The following LAMA3 variants were observed in gnomAD, a reference collection of about 807,000 sequenced individuals.
LAMA3 encodes laminin subunit alpha-3.
A neutral mutation model predicts 402.0 loss-of-function variants in LAMA3; 281 were observed. The observed-to-expected ratio is 0.70, with a 90% CI of 0.63 to 0.77. LAMA3 has a LOEUF of 0.77. LAMA3 is among the 30% of genes least tolerant of loss of function. The pLI, the probability that LAMA3 is intolerant of heterozygous loss-of-function variation, is 0.00. For synonymous variants in LAMA3, 1,431 were observed against 1,558.4 expected (o/e 0.92, Z 1.93); for missense variants, 3,840 against 4,215.5 (o/e 0.91, Z 2.47).
chr18:23,802,474 T>G (rs1301552841), intron 12 of LAMA3, among the ~76,000 whole-genome samples: 2 of 152,224 alleles, frequency 1.3e-5, no homozygotes, highest in African/African-American at 4.8e-5. Context: ...ACACCTTAAG[T>G]CATCTCCTGT....
intron 2 of LAMA3, among the ~76,000 whole-genome samples, chr18:23,726,587 T>A (rs2061304295): frequency 6.6e-6 from 1 of 152,186 alleles, no homozygotes. Context: ...GTGGCTATAG[T>A]GTTCACACAA....
intron 1 of LAMA3, among the ~76,000 whole-genome samples, chr18:23,698,395 CG>C (rs1428199893): frequency 6.6e-6 from 1 of 152,002 alleles, no homozygotes; most frequent in African/African-American, 2.4e-5. Context: ...TTAGTAGAGA[CG>C]GGGTTTCACC....
intron 32 of LAMA3, among the ~76,000 whole-genome samples, chr18:23,855,952 C>T (rs1404675086): frequency 1.3e-5 from 2 of 152,154 alleles, no homozygotes; most frequent in East Asian, 3.9e-4. Flanking sequence ...AAGGCACCGT[C>T]TCCTCCCCTT....
intron 19 of LAMA3, among the ~76,000 whole-genome samples, chr18:23,820,648 T>TA (rs1685890519): frequency 6.6e-6 from 1 of 152,204 alleles, no homozygotes; most frequent in Non-Finnish European, 1.5e-5. Flanking sequence ...TACTTATAAC[T>TA]AAAAAATTCT....
At chr18:23,906,833 A>G (rs2081264507) in intron 52 of LAMA3, among the ~76,000 whole-genome samples, 1 of 152,340 alleles carries the variant, frequency 6.6e-6, no homozygotes, top group African/African-American at 2.4e-5. Context: ...TTAGGATGCT[A>G]ACTATGTTGC....
rs779758375 is a variant in LAMA3 at position 23,932,175 on chromosome 18, C to A, written c.8592C>A (p.Ile2864=). Reference sequence around the variant, plus strand: ...TCCCTTTCAGACTACGGCTTCTCATCGATGACCAGCTTCTGAGAAATAGCA... The same window carrying A: ...TCCCTTTCAGACTACGGCTTCTCATAGATGACCAGCTTCTGAGAAATAGCA... The part of the protein sequence containing the change: ...ISDNSGLRLL[I]DDQLLRNSKR... The change falls in exon 66 of 75, where the codon ATC becomes ATA. Residue 2864 remains isoleucine (I), a synonymous_variant. Transcript: ENST00000313654. 1 of 1,613,994 alleles carries A rather than the reference C, an allele frequency of 6.2e-7. No individual in the cohort carries two copies. Among genetic ancestry groups the A allele is most frequent in the South Asian group, 1.1e-5 (1 of 91,074 alleles).
chr18:23,705,453 A>G, intron 1 of LAMA3, among the ~76,000 whole-genome samples: 1 of 138,188 alleles, frequency 7.2e-6, no homozygotes, highest in African/African-American at 3.3e-5. Flanking sequence ...CATGACATAC[A>G]CACACACACA....
In LAMA3 at chr18:23,858,765, G is replaced by C. The variant is rs1192180417; in HGVS notation, c.4358G>C (p.Cys1453Ser). 1.9e-6 allele frequency: 3 copies of C among 1,614,106 alleles called. No individual in the cohort carries two copies. In the Admixed American group the frequency reaches 5.0e-5, roughly 27 times the overall value. Residue 1453 changes from cysteine to serine, a missense_variant, in exon 34 of 75, where the codon TGT becomes TCT. By Grantham distance (112) the Cys-to-Ser change is moderately radical. This residue lies in a region of LAMA3 where 2,109 missense variants were observed against 2,376.0 expected (regional missense o/e 0.89). Coordinates refer to ENST00000313654, the MANE Select transcript of LAMA3 (RefSeq NM_198129.4). ...FHLDPANLKG[C>S]TSCFCFGVNN... ...TTGGACCCAGCCAATCTCAAGGGTTGTACCAGCTGTTTCTGTTTTGGAGTA... is the reference window on the plus strand; with the variant it reads ...TTGGACCCAGCCAATCTCAAGGGTTCTACCAGCTGTTTCTGTTTTGGAGTA...
At chr18:23,940,944 T>TTTTC (rs2082484408) in intron 68 of LAMA3, among the ~76,000 whole-genome samples, 1 of 148,970 alleles carries the variant, frequency 6.7e-6, no homozygotes, top group African/African-American at 2.4e-5. Flanking sequence ...CTTTTCTTTT[T>TTTTC]TTTTTTTTTT....
intron 12 of LAMA3, among the ~76,000 whole-genome samples, chr18:23,793,549 C>G (rs1214427825): frequency 6.6e-6 from 1 of 151,786 alleles, no homozygotes; most frequent in East Asian, 1.9e-4. Flanking sequence ...AGGCCCTAGA[C>G]AGCATCCTTG....
intron 12 of LAMA3, among the ~76,000 whole-genome samples, chr18:23,796,939 G>A (rs183731674): frequency 1.4e-4 from 22 of 152,230 alleles, no homozygotes; most frequent in African/African-American, 5.1e-4. Flanking sequence ...AGACTATCAA[G>A]CCTCTCAGAG....
intron 18 of LAMA3, among the ~76,000 whole-genome samples, chr18:23,816,756 C>T (rs957072859): frequency 2.6e-5 from 4 of 152,242 alleles, no homozygotes; most frequent in East Asian, 1.9e-4. Context: ...GTGGGCAAGA[C>T]GAGAGCTGGA....
At position 23,914,722 on chromosome 18, in the gene LAMA3, T is replaced by C; in HGVS notation, c.7506T>C (p.Asn2502=). The C allele has an allele frequency of 6.2e-7, 1 of 1,613,800 alleles. No homozygotes were observed. The highest frequency in any genetic ancestry group is 8.5e-7 in the Non-Finnish European group (1 of 1,179,770). ...GAATTTATCAGTTTGCAAGGCTTAA[T>C]TACACCAAAGGAGCCACATCCAGTA... is the stretch of plus-strand genomic sequence containing the variant. ...FQRIYQFARL[N]YTKGATSSKP... Residue 2502 remains asparagine, a synonymous_variant, in exon 58 of 75, where the codon AAT becomes AAC. Transcript: ENST00000313654.
chr18:23,697,203 A>G (rs2060700410), intron 1 of LAMA3, among the ~76,000 whole-genome samples: 1 of 152,208 alleles, frequency 6.6e-6, no homozygotes, highest in African/African-American at 2.4e-5. Context: ...TGATTTCTGA[A>G]GAGGAGGGTG....
intron 65 of LAMA3, 112 bp downstream of exon 65, chr18:23,931,313 TTCACTAATA>T (rs2082155911): frequency 1.1e-6 from 1 of 873,280 alleles, no homozygotes; most frequent in Non-Finnish European, 1.9e-6. Flanking sequence ...CCAAAAATAC[TTCACTAATA>T]AGTCTTGTCC....
At chr18:23,770,283 A>G (rs2062166894) in intron 8 of LAMA3, among the ~76,000 whole-genome samples, 1 of 152,218 alleles carries the variant, frequency 6.6e-6, no homozygotes. Flanking sequence ...TATTAAGAAA[A>G]TGAATAGGCA....
Position 23,810,432 on chromosome 18 carries a change from G to C in LAMA3, c.1670G>C (p.Cys557Ser). 1.2e-6 allele frequency: 2 copies of C among 1,614,144 alleles called. No homozygotes were observed. The highest frequency in any genetic ancestry group is 1.7e-6 in the Non-Finnish European group (2 of 1,180,020). The change falls in exon 13 of 75, where the codon TGT becomes TCT. Residue 557 changes from cysteine to serine, a missense_variant. By Grantham distance (112) the Cys-to-Ser change is moderately radical. This residue lies in a region of LAMA3 where 2,109 missense variants were observed against 2,376.0 expected (regional missense o/e 0.89). Transcript: ENST00000313654. The stretch of plus-strand genomic sequence containing the variant: ...AGCTCAGTGACTGGACAGTGTGAAT[G>C]TCGGCCAGGAGTTACAGGACAGCGG... Reference protein sequence around the residue: ...PCSSVTGQCECRPGVTGQRCD... With the variant: ...PCSSVTGQCESRPGVTGQRCD...
chr18:23,703,617 T>G (rs1222771249), intron 1 of LAMA3, among the ~76,000 whole-genome samples: 1 of 152,120 alleles, frequency 6.6e-6, no homozygotes, highest in African/African-American at 2.4e-5. Context: ...GTTGTGCACA[T>G]GTACCCTAGA....
chr18:23,808,485 C>T (rs1365865734), intron 12 of LAMA3, among the ~76,000 whole-genome samples: 1 of 152,232 alleles, frequency 6.6e-6, no homozygotes, highest in South Asian at 2.1e-4. Flanking sequence ...TTACCTCCAC[C>T]GTAACACCTA....
Sources: allele counts gnomAD v4.1 joint callset (sites outside exome capture counted in the v4.1 genomes callset), GRCh38; gene constraint gnomAD v4.1.1; regional missense constraint gnomAD v4.1.1; transcripts MANE v1.5; gene names NCBI Gene and HGNC (gene_info 2026-07-23, HGNC 2026-07-21).